Variants in COP1 observed in about 807,000 individuals in gnomAD.
COP1 encodes COP1 E3 ubiquitin ligase.
A neutral mutation model predicts 101.3 loss-of-function variants in COP1; 24 were observed. The observed-to-expected ratio is 0.24, with a 90% CI of 0.17 to 0.33. The LOEUF (loss-of-function observed/expected upper bound fraction) is 0.33. Among genes scored for constraint, COP1 ranks in the 10% least tolerant of loss-of-function variants. The probability of loss-of-function intolerance (pLI) is 1.00; values close to 1 mark genes in which losing one functional copy is unlikely to be tolerated. For synonymous variants in COP1, 347 were observed against 341.9 expected (o/e 1.01, Z -0.17); for missense variants, 663 against 906.2 (o/e 0.73, Z 3.45).
In COP1 at chr1:176,131,592, G is replaced by A. The variant is rs557482697; in HGVS notation, c.968+3418C>T. 2.7e-4 allele frequency among the ~76,000 whole-genome samples: 41 copies of A among 151,642 alleles called. 1 individual carries two copies. Among genetic ancestry groups the A allele is most frequent in the Non-Finnish European group, 5.3e-4 (36 of 67,706 alleles). On this transcript the variant is annotated intron_variant, in intron 8 of 19. Transcript: ENST00000367669. ...AGAGAGATCAAAACTTTTTAGTGAGGAATAAGAACAAAAACTGTCTGGCAT... is the reference window on the plus strand; with the variant it reads ...AGAGAGATCAAAACTTTTTAGTGAGAAATAAGAACAAAAACTGTCTGGCAT...
At chr1:175,961,909 GA>G (rs35007985) in intron 18 of COP1, among the ~76,000 whole-genome samples, 9,654 of 145,390 alleles carry the variant, frequency 0.066, 367 homozygotes, top group African/African-American at 0.1. Context: ...GAATAAATTT[GA>G]AAAAAAAAAA....
At chr1:175,947,827 G>C (rs1027181570) in intron 18 of COP1, among the ~76,000 whole-genome samples, 1 of 152,114 alleles carries the variant, frequency 6.6e-6, no homozygotes, top group African/African-American at 2.4e-5. Flanking sequence ...TGGAAGAAAA[G>C]CCAAAAGAAA....
intron 9 of COP1, among the ~76,000 whole-genome samples, chr1:176,086,638 T>C (rs1415525425): frequency 6.6e-6 from 1 of 151,778 alleles, no homozygotes; most frequent in Admixed American, 6.6e-5. Flanking sequence ...GAACATTCCA[T>C]GCTCATGGAT....
chr1:175,950,952 A>G (rs1401718438), intron 18 of COP1, among the ~76,000 whole-genome samples: 1 of 152,200 alleles, frequency 6.6e-6, no homozygotes, highest in Non-Finnish European at 1.5e-5. Flanking sequence ...TATAGACAAT[A>G]CATTAAAAAT....
At chr1:176,009,042 T>TGCA (rs1369444353) in intron 15 of COP1, among the ~76,000 whole-genome samples, 4 of 152,200 alleles carry the variant, frequency 2.6e-5, no homozygotes, top group African/African-American at 9.7e-5. Flanking sequence ...TGGGGCTCTC[T>TGCA]GCAGTTTTTC....
At chr1:176,141,964 C>A (rs549947449) in intron 6 of COP1, among the ~76,000 whole-genome samples, 9 of 152,118 alleles carry the variant, frequency 5.9e-5, no homozygotes. Context: ...GAACTCCTGG[C>A]CCTCAAATGA....
intron 18 of COP1, chr1:175,982,357 T>C (rs1023805637): frequency 2.2e-6 from 1 of 456,474 alleles, no homozygotes; most frequent in Non-Finnish European, 4.4e-6. Flanking sequence ...GTTTGAACTG[T>C]GAGGAACCAC....
intron 15 of COP1, among the ~76,000 whole-genome samples, chr1:175,997,125 C>A (rs1660366085): frequency 6.6e-6 from 1 of 151,820 alleles, no homozygotes; most frequent in East Asian, 1.9e-4. Flanking sequence ...CTTTGACAAA[C>A]CTGACAAAAA....
chr1:175,984,653 G>A (rs1656679513), intron 18 of COP1, among the ~76,000 whole-genome samples: 1 of 152,186 alleles, frequency 6.6e-6, no homozygotes. Flanking sequence ...ACCTGGAAAA[G>A]CCACAGACAA....
intron 11 of COP1, among the ~76,000 whole-genome samples, chr1:176,048,654 T>C (rs557561964): frequency 6.6e-6 from 1 of 152,320 alleles, no homozygotes; most frequent in South Asian, 2.1e-4. Flanking sequence ...TTAGGAGGTT[T>C]TGGTATAGCT....
At chr1:176,125,871 C>T (rs759589534) in intron 8 of COP1, among the ~76,000 whole-genome samples, 28 of 152,112 alleles carry the variant, frequency 1.8e-4, no homozygotes, top group African/African-American at 5.3e-4. Flanking sequence ...CATACCTTTC[C>T]AGTTTTTTGT....
At chr1:176,062,831 T>C (rs1675121177) in intron 11 of COP1, among the ~76,000 whole-genome samples, 3 of 152,096 alleles carry the variant, frequency 2.0e-5, no homozygotes, top group African/African-American at 7.2e-5. Context: ...AATAAATTAC[T>C]AATATGGGCA....
chr1:176,165,119 C>A (rs920699087), intron 3 of COP1, among the ~76,000 whole-genome samples: 23 of 152,110 alleles, frequency 1.5e-4, no homozygotes, highest in African/African-American at 5.3e-4. Context: ...TCCAAGGTCT[C>A]AAGCAACTCA....
intron 8 of COP1, among the ~76,000 whole-genome samples, chr1:176,129,776 T>C (rs1372326124): frequency 6.7e-6 from 1 of 149,886 alleles, no homozygotes; most frequent in African/African-American, 2.4e-5. Flanking sequence ...AATTATGAGA[T>C]AACTATTTCT....
Position 176,009,498 on chromosome 1 carries a change from G to A in COP1, c.1729+18074C>T, listed in dbSNP as rs150245619. ...AGTAAAGGTTAAATTATGTCCTTGT[G>A]TACTGTACAAAAGTTTTACAGTAGC... On this transcript the variant is annotated intron_variant, in intron 15 of 19. Coordinates refer to ENST00000367669, the MANE Select transcript of COP1 (RefSeq NM_022457.7). Among the ~76,000 whole-genome samples, 135 of 152,234 alleles carry A rather than the reference G, an allele frequency of 8.9e-4. 2 individuals carry two copies. Among genetic ancestry groups the A allele is most frequent in the African/African-American group, 2.7e-3 (114 of 41,558 alleles).
chr1:176,046,990 T>C (rs906192216), intron 11 of COP1, among the ~76,000 whole-genome samples: 2 of 152,162 alleles, frequency 1.3e-5, no homozygotes, highest in Non-Finnish European at 2.9e-5. Context: ...TTCAGCGTTA[T>C]TCACTCCTCT....
Position 175,944,879 on chromosome 1 carries a change from GA to G in COP1, c.*273del, listed in dbSNP as rs1326240429. ...TTTTGTTATTTATTTTTATTCAAAA[GA>G]ATTTGTTTCCCTATCACAAAAATTA... On this transcript the variant is annotated 3_prime_UTR_variant, in exon 20 of 20. Transcript: ENST00000367669. 2.5e-6 allele frequency: 1 copy of G among 407,656 alleles called. No homozygotes were observed. The highest frequency in any genetic ancestry group is 4.4e-6 in the Non-Finnish European group (1 of 225,922). The allele number at this position is 407,656 out of a possible 1,614,324, so 25.3% of individuals were successfully genotyped here.
chr1:176,050,124 C>T (rs111710743), intron 11 of COP1, among the ~76,000 whole-genome samples: 32 of 152,254 alleles, frequency 2.1e-4, no homozygotes, highest in African/African-American at 6.7e-4. Flanking sequence ...TTTGAAAAAT[C>T]GTGTTTCTGG....
At chr1:176,096,522 A>C (rs1279364107) in intron 9 of COP1, among the ~76,000 whole-genome samples, 1 of 152,220 alleles carries the variant, frequency 6.6e-6, no homozygotes, top group Non-Finnish European at 1.5e-5. Flanking sequence ...TGGGCCCTGC[A>C]TGGTTGACTG....
Sources: allele counts gnomAD v4.1 joint callset (sites outside exome capture counted in the v4.1 genomes callset), GRCh38; gene constraint gnomAD v4.1.1; transcripts MANE v1.5; gene names NCBI Gene and HGNC (gene_info 2026-07-23, HGNC 2026-07-21).